INPP5A: variants seen among roughly 807,000 people sequenced by gnomAD.
INPP5A encodes the protein inositol polyphosphate-5-phosphatase A, also known as 43 kDa inositol polyphosphate 5-phophatase.
In INPP5A, 14 loss-of-function variants were observed where a neutral mutation model predicts 65.2. The observed-to-expected ratio is 0.21, with a 90% CI of 0.14 to 0.34. The LOEUF is 0.34. INPP5A is among the 10% of genes least tolerant of loss of function. The pLI, the probability that INPP5A is intolerant of heterozygous loss-of-function variation, is 1.00. For synonymous variants in INPP5A, 207 were observed against 208.3 expected, an observed-to-expected ratio of 0.99 and a Z score of 0.05; for missense variants, 431 against 545.6, an observed-to-expected ratio of 0.79 and a Z score of 2.09.
intron 2 of INPP5A, among the ~76,000 whole-genome samples, chr10:132,620,965 C>G (rs2072100188): frequency 6.6e-6 from 1 of 152,228 alleles, no homozygotes; most frequent in Admixed American, 6.5e-5. Flanking sequence ...CCTGGTTTAA[C>G]ATTCAAGAAT....
intron 1 of INPP5A, among the ~76,000 whole-genome samples, chr10:132,591,769 A>G (rs1047957661): frequency 3.5e-5 from 5 of 141,270 alleles, no homozygotes; most frequent in African/African-American, 9.8e-5. Flanking sequence ...CTGCAGGTGC[A>G]GGGAGCTCAG....
chr10:132,743,720 G>A (rs1346721352), intron 9 of INPP5A, among the ~76,000 whole-genome samples: 4 of 152,210 alleles, frequency 2.6e-5, no homozygotes, highest in Non-Finnish European at 4.4e-5. Context: ...AGCCCACAGC[G>A]GTCACACCCT....
At chr10:132,652,563 C>T (rs769370153) in intron 4 of INPP5A, among the ~76,000 whole-genome samples, 7 of 152,252 alleles carry the variant, frequency 4.6e-5, no homozygotes, top group Non-Finnish European at 7.3e-5. Context: ...CCATCATCCT[C>T]GGAAGAGTGG....
In INPP5A at chr10:132,697,953, C is replaced by A. The variant is rs1414714715; in HGVS notation, c.474+34C>A. 2.1e-6 allele frequency: 3 copies of A among 1,412,234 alleles called. No individual in the cohort carries two copies. Among genetic ancestry groups the A allele is most frequent in the Non-Finnish European group, 2.0e-6 (2 of 1,000,072 alleles). The allele number at this position is 1,412,234 out of a possible 1,614,324, so 87.5% of individuals were successfully genotyped here. On this transcript the variant is annotated intron_variant, in intron 6 of 15. Coordinates refer to ENST00000368594, the MANE Select transcript of INPP5A (RefSeq NM_005539.5). This position sits in a 1 kb window ranked among gnomAD's most constrained non-coding sequence, Gnocchi z 5.6. ...CGAGGCTTTCTCACTGACGTGTTTA[C>A]TTCTCAGAGTGAGCCAGTCAGAAGT...
rs1388970704 is a variant in INPP5A, at chr10:132,706,658, C to T, written c.475-1655C>T. 6.6e-6 allele frequency among the ~76,000 whole-genome samples: 1 copy of T among 151,952 alleles called. No individual in the cohort carries two copies. Among genetic ancestry groups the T allele is most frequent in the Non-Finnish European group, 1.5e-5 (1 of 67,990 alleles). On this transcript the variant is annotated intron_variant, in intron 6 of 15. Coordinates refer to ENST00000368594, the MANE Select transcript of INPP5A (RefSeq NM_005539.5). This position sits in a 1 kb window ranked among gnomAD's most constrained non-coding sequence, Gnocchi z 4.7. Reference sequence around the variant, plus strand: ...CCCTTCTTGAGCATGAGTGGGAGCACTTAGGGAGGGGGCAGGGAGCACTTG... The same window carrying T: ...CCCTTCTTGAGCATGAGTGGGAGCATTTAGGGAGGGGGCAGGGAGCACTTG...
intron 10 of INPP5A, 74 bp downstream of exon 10, chr10:132,749,686 C>A (rs1420350451): frequency 1.3e-6 from 2 of 1,598,070 alleles, no homozygotes; most frequent in Non-Finnish European, 1.7e-6. Flanking sequence ...TCAGAGCCGC[C>A]CTGCCTGCCC....
At position 132,649,186 on chromosome 10, in the gene INPP5A, A is replaced by G. The variant is rs571318065; in HGVS notation, c.219-1232A>G. ...TAGGTCCATGCAGTCAGTTCGTTTTATTTCTGACATTGTGTTTGTCCACTC... is the reference window on the plus strand; with the variant it reads ...TAGGTCCATGCAGTCAGTTCGTTTTGTTTCTGACATTGTGTTTGTCCACTC... On this transcript the variant is annotated intron_variant, in intron 3 of 15. Transcript: ENST00000368594. Among the ~76,000 whole-genome samples the G allele has an allele frequency of 5.3e-5, 8 of 152,010 alleles. No individual in the cohort carries two copies. The South Asian group carries it at 1.5e-3, about 28-fold the overall frequency.
At chr10:132,748,060 T>C (rs1028088737) in intron 9 of INPP5A, among the ~76,000 whole-genome samples, 2 of 152,182 alleles carry the variant, frequency 1.3e-5, no homozygotes, top group African/African-American at 4.8e-5. Flanking sequence ...CAAAAAAATT[T>C]TTTTTATTAA....
intron 6 of INPP5A, among the ~76,000 whole-genome samples, chr10:132,700,861 T>G (rs1484586701): frequency 6.6e-6 from 1 of 152,236 alleles, no homozygotes; most frequent in Admixed American, 6.5e-5. Flanking sequence ...TTATGGATGC[T>G]TTTGGCTTGG....
chr10:132,596,457 C>T (rs1235773242), intron 1 of INPP5A, among the ~76,000 whole-genome samples: 3 of 147,086 alleles, frequency 2.0e-5, no homozygotes, highest in African/African-American at 7.6e-5. Flanking sequence ...GAGATGGAGT[C>T]TCGCACTGTC....
intron 1 of INPP5A, among the ~76,000 whole-genome samples, chr10:132,554,105 G>C (rs1417244653): frequency 6.6e-6 from 1 of 152,150 alleles, no homozygotes; most frequent in African/African-American, 2.4e-5. Context: ...GTGGAATATT[G>C]AGTGGGATAG....
intron 1 of INPP5A, 83 bp from the exon 2 acceptor site, chr10:132,607,832 T>TG: frequency 7.4e-7 from 1 of 1,355,480 alleles, no homozygotes. Context: ...TGCCCCACGT[T>TG]GTCTTCACAG....
intron 1 of INPP5A, among the ~76,000 whole-genome samples, chr10:132,565,004 C>T (rs1458939947): frequency 6.6e-6 from 1 of 152,250 alleles, no homozygotes; most frequent in Non-Finnish European, 1.5e-5. Flanking sequence ...ATTCACAGCG[C>T]TGCTTTACGA....
At chr10:132,755,386 G>C (rs1453528423) in intron 11 of INPP5A, among the ~76,000 whole-genome samples, 1 of 151,632 alleles carries the variant, frequency 6.6e-6, no homozygotes, top group Non-Finnish European at 1.5e-5. Context: ...GTGTGCGTGA[G>C]AGCAGGTGTG....
chr10:132,583,918 C>T (rs758634464), intron 1 of INPP5A, among the ~76,000 whole-genome samples: 38 of 152,122 alleles, frequency 2.5e-4, no homozygotes, highest in Non-Finnish European at 4.4e-4. Flanking sequence ...CCCATTTCTA[C>T]AAAAAATTAA....
chr10:132,688,836 A>G (rs1450939175), intron 4 of INPP5A, among the ~76,000 whole-genome samples: 1 of 149,604 alleles, frequency 6.7e-6, no homozygotes, highest in Non-Finnish European at 1.5e-5. Context: ...GTGCAAGTGT[A>G]AGTGTGCGTG....
rs1261735666 is a variant in INPP5A, at chr10:132,637,340, G to C, written c.118-8528G>C. 6.6e-6 allele frequency among the ~76,000 whole-genome samples: 1 copy of C among 152,118 alleles called. No homozygotes were observed. The highest frequency in any genetic ancestry group is 2.4e-5 in the African/African-American group (1 of 41,418). ...GTGAGCCTTTCAGTGTATAAGTGCGGGTCTTTTTCTGTTTTGAAGTTTTCC... is the reference window on the plus strand; with the variant it reads ...GTGAGCCTTTCAGTGTATAAGTGCGCGTCTTTTTCTGTTTTGAAGTTTTCC... On this transcript the variant is annotated intron_variant, in intron 2 of 15. Coordinates refer to ENST00000368594, the MANE Select transcript of INPP5A (RefSeq NM_005539.5). The surrounding 1 kb of genome is among the most constrained non-coding windows in gnomAD (Gnocchi z 4.1).
chr10:132,555,801 G>T lies in INPP5A; in HGVS notation c.75+17630G>T, dbSNP rs2071118539. On this transcript the variant is annotated intron_variant, in intron 1 of 15. Coordinates refer to ENST00000368594, the MANE Select transcript of INPP5A (RefSeq NM_005539.5). The surrounding 1 kb of genome is among the most constrained non-coding windows in gnomAD (Gnocchi z 4.4). The stretch of plus-strand genomic sequence containing the variant: ...TGTTTTGTTGCCCTCAGCACGTGTG[G>T]TCTGCACAGACAGACCAGGGGGTGA... 6.6e-6 allele frequency among the ~76,000 whole-genome samples: 1 copy of T among 152,200 alleles called. No individual in the cohort carries two copies. Among genetic ancestry groups the T allele is most frequent in the African/African-American group, 2.4e-5 (1 of 41,444 alleles).
At chr10:132,638,076 G>A (rs1416857065) in intron 2 of INPP5A, among the ~76,000 whole-genome samples, 1 of 152,176 alleles carries the variant, frequency 6.6e-6, no homozygotes, top group Non-Finnish European at 1.5e-5. Context: ...GGAGTTGTTC[G>A]TTCTCTGATT....
Sources: allele counts gnomAD v4.1 joint callset (sites outside exome capture counted in the v4.1 genomes callset), GRCh38; gene constraint gnomAD v4.1.1; non-coding constraint Gnocchi (gnomAD v3.1); transcripts MANE v1.5; gene names NCBI Gene and HGNC (gene_info 2026-07-23, HGNC 2026-07-21).